The following SGCD variants were observed in gnomAD, a reference collection of about 807,000 sequenced individuals.
The protein encoded by SGCD is delta-sarcoglycan.
SGCD carries 18 observed loss-of-function variants against 36.6 expected under a neutral mutation model. That is an observed-to-expected ratio of 0.49 (90% CI 0.34 to 0.73). The LOEUF (loss-of-function observed/expected upper bound fraction) is 0.73. Ranked by LOEUF, SGCD falls within the 30% of genes least tolerant of loss-of-function variation. The pLI, the probability that SGCD is intolerant of heterozygous loss-of-function variation, is 0.01. For synonymous variants in SGCD, 133 were observed against 130.6 expected, an observed-to-expected ratio of 1.02 and a Z score of -0.12; for missense variants, 387 against 346.7, an observed-to-expected ratio of 1.12 and a Z score of -0.92.
At chr5:156,688,282 A>G (rs570108179) in intron 7 of SGCD, among the ~76,000 whole-genome samples, 1 of 152,258 alleles carries the variant, frequency 6.6e-6, no homozygotes, top group South Asian at 2.1e-4. Context: ...TGGAATTTAA[A>G]TATTCGTTGA....
At chr5:156,585,063 G>A (rs940188787) in intron 4 of SGCD, among the ~76,000 whole-genome samples, 1 of 152,192 alleles carries the variant, frequency 6.6e-6, no homozygotes, top group African/African-American at 2.4e-5. Flanking sequence ...TAAACTTAGT[G>A]AAGTATTGAG....
chr5:155,921,123 A>G lies in SGCD; in HGVS notation c.-282+50699A>G, dbSNP rs533014539. Among the ~76,000 whole-genome samples, 25 of 152,252 alleles carry G rather than the reference A, an allele frequency of 1.6e-4. No homozygotes were observed. The South Asian group carries it at 5.0e-3, about 30-fold the overall frequency. On this transcript the variant is annotated intron_variant, in intron 1 of 9. Coordinates refer to the SGCD transcript ENST00000517913. ...TCTAAGGAGGTTGGAATCTCAAGGG[A>G]GGTTGGTCACAAAAGCCAAGGAGGG...
intron 1 of SGCD, among the ~76,000 whole-genome samples, chr5:155,917,328 T>C (rs1378674795): frequency 6.6e-6 from 1 of 152,114 alleles, no homozygotes; most frequent in Non-Finnish European, 1.5e-5. Flanking sequence ...TAAACGAGGT[T>C]GAAGGTTGTA....
chr5:156,750,866 A>G (rs552185506), intron 7 of SGCD, among the ~76,000 whole-genome samples: 26 of 152,228 alleles, frequency 1.7e-4, no homozygotes, highest in Admixed American at 3.3e-4. Flanking sequence ...ATACTTTTTT[A>G]AAAAACACCA....
At chr5:155,755,411 G>T in the SGCD span, among the ~76,000 whole-genome samples, 1 of 152,248 alleles carries the variant, frequency 6.6e-6, no homozygotes, top group South Asian at 2.1e-4. Context: ...AGAACTATCA[G>T]ACCTCTCAAA....
At chr5:156,651,337 C>T (rs1016240433) in intron 7 of SGCD, among the ~76,000 whole-genome samples, 1 of 151,966 alleles carries the variant, frequency 6.6e-6, no homozygotes, top group Non-Finnish European at 1.5e-5. Context: ...GGTTTTGATG[C>T]AATTGCTTTT....
chr5:156,212,976 A>C (rs1332614056), intron 3 of SGCD, among the ~76,000 whole-genome samples: 2 of 152,060 alleles, frequency 1.3e-5, no homozygotes, highest in Non-Finnish European at 2.9e-5. Flanking sequence ...TATCATCCCA[A>C]AACTTATGGG....
At chr5:156,084,243 A>G (rs1193129921) in intron 1 of SGCD, among the ~76,000 whole-genome samples, 1 of 152,152 alleles carries the variant, frequency 6.6e-6, no homozygotes, top group African/African-American at 2.4e-5. Context: ...ATGTTTTCCT[A>G]TATAGGTACG....
chr5:156,162,610 A>G (rs1763110221), intron 3 of SGCD, among the ~76,000 whole-genome samples: 1 of 151,532 alleles, frequency 6.6e-6, no homozygotes, highest in African/African-American at 2.4e-5. Context: ...GAGATGGTGC[A>G]TTGTACTCAT....
intron 1 of SGCD, among the ~76,000 whole-genome samples, chr5:156,078,174 A>G (rs1248725293): frequency 6.6e-6 from 1 of 151,792 alleles, no homozygotes; most frequent in African/African-American, 2.4e-5. Flanking sequence ...TTATTTTTTT[A>G]TTGAAAATTT....
chr5:156,404,411 C>T (rs1772307734), intron 3 of SGCD, among the ~76,000 whole-genome samples: 1 of 152,228 alleles, frequency 6.6e-6, no homozygotes, highest in Admixed American at 6.5e-5. Context: ...CCTCTCACCT[C>T]CTGCTGCAAA....
the SGCD span, among the ~76,000 whole-genome samples, chr5:155,737,447 A>G: frequency 6.6e-6 from 1 of 152,256 alleles, no homozygotes; most frequent in Non-Finnish European, 1.5e-5. Context: ...TACTCTTACT[A>G]TAGACAGTAT....
In SGCD at chr5:156,457,783, G is replaced by C. The variant is rs572305818; in HGVS notation, c.193-50818G>C. ...AGTTGGTTGGGAGACATGTGTTCTAGTCCCTGTTTGAGAGCTTGGGAATTC... is the reference window on the plus strand; with the variant it reads ...AGTTGGTTGGGAGACATGTGTTCTACTCCCTGTTTGAGAGCTTGGGAATTC... On this transcript the variant is annotated intron_variant, in intron 3 of 8. Transcript: ENST00000337851. Among the ~76,000 whole-genome samples the C allele has an allele frequency of 3.3e-5, 5 of 152,310 alleles. No individual in the cohort carries two copies. The South Asian group carries it at 6.2e-4, about 19-fold the overall frequency.
intron 1 of SGCD, among the ~76,000 whole-genome samples, chr5:155,896,894 A>AT (rs999944393): frequency 3.9e-5 from 6 of 152,136 alleles, no homozygotes; most frequent in Non-Finnish European, 7.4e-5. Flanking sequence ...ATCTAGAAGA[A>AT]TTTTTTCTAG....
chr5:156,495,372 T>C (rs1418333120), intron 3 of SGCD, among the ~76,000 whole-genome samples: 19 of 152,152 alleles, frequency 1.2e-4, no homozygotes, highest in Admixed American at 1.1e-3. Context: ...GTACGCATAC[T>C]AGCTTTCATA....
chr5:156,561,443 G>A (rs969857969), intron 4 of SGCD, among the ~76,000 whole-genome samples: 2 of 152,216 alleles, frequency 1.3e-5, no homozygotes, highest in African/African-American at 4.8e-5. Context: ...GCAAAAGACT[G>A]GCTGAAATGT....
chr5:155,964,826 C>T (rs1318922740), intron 1 of SGCD, among the ~76,000 whole-genome samples: 2 of 152,116 alleles, frequency 1.3e-5, no homozygotes, highest in Non-Finnish European at 2.9e-5. Flanking sequence ...GATGGGCCTA[C>T]AGCTAGGGTA....
chr5:156,293,568 A>G (rs1766816476), intron 3 of SGCD, among the ~76,000 whole-genome samples: 1 of 152,178 alleles, frequency 6.6e-6, no homozygotes, highest in African/African-American at 2.4e-5. Flanking sequence ...CCATTTGTTG[A>G]AATGATTATA....
At chr5:156,716,261 T>C (rs555947775) in intron 7 of SGCD, among the ~76,000 whole-genome samples, 35 of 152,194 alleles carry the variant, frequency 2.3e-4, no homozygotes, top group Non-Finnish European at 4.6e-4. Flanking sequence ...CCTTGTCAGT[T>C]TAACAGGCAT....
Sources: allele counts gnomAD v4.1 joint callset (sites outside exome capture counted in the v4.1 genomes callset), GRCh38; gene constraint gnomAD v4.1.1; transcripts MANE v1.5; gene names NCBI Gene and HGNC (gene_info 2026-07-23, HGNC 2026-07-21).